Variants in MYO1C observed in about 807,000 individuals in gnomAD.
MYO1C encodes unconventional myosin-Ic.
In MYO1C, 104 loss-of-function variants were observed where a neutral mutation model predicts 150.8. That is an observed-to-expected ratio of 0.69 (90% CI 0.59 to 0.81). MYO1C has a LOEUF of 0.81. Ranked by LOEUF, MYO1C falls within the 30% of genes least tolerant of loss-of-function variation. The pLI is 0.00. For missense variants in MYO1C, 1,504 were observed against 1,435.0 expected (o/e 1.05, Z -0.78); for synonymous variants, 663 against 579.9 (o/e 1.14, Z -2.06).
Position 1,474,858 on chromosome 17 carries a change from C to G in MYO1C, c.1670G>C (p.Gly557Ala), listed in dbSNP as rs1262220301. The part of the protein sequence containing the change: ...YAGEVTYSVT[G>A]FLDKNNDLLF... The stretch of plus-strand genomic sequence containing the variant: ...AAGGTCATTGTTTTTGTCCAGAAAC[C>G]CTGGGAGGGGAGAACCGACGTGAGG... The change falls in exon 16 of 32, where the codon GGG (glycine) becomes GCG (alanine). Residue 557 changes from glycine (G) to alanine (A), a missense_variant and splice_region_variant. Physicochemically the swap from Gly to Ala is moderately conservative, Grantham distance 60 (BLOSUM62 0). Coordinates refer to ENST00000648651, the MANE Select transcript of MYO1C (RefSeq NM_001080779.2). The G allele has an allele frequency of 1.2e-6, 2 of 1,614,088 alleles. No homozygotes were observed. The highest frequency in any genetic ancestry group is 4.5e-5 in the East Asian group (2 of 44,888).
In MYO1C at chr17:1,468,099, C is replaced by T. The variant is rs11538161; in HGVS notation, c.2785G>A (p.Asp929Asn). The change falls in exon 28 of 32, where the codon GAC (aspartate) becomes AAC (asparagine). Residue 929 changes from aspartate to asparagine, a missense_variant. Coordinates refer to ENST00000648651, the MANE Select transcript of MYO1C (RefSeq NM_001080779.2). ...IQYAVPVVKYDRKGYKPRSRQ... is the reference protein window; with the variant it reads ...IQYAVPVVKYNRKGYKPRSRQ... ...GAGCGAGGCTTGTAGCCCTTGCGGT[C>T]GTATTTCACAACAGGCACCGCATAC... 17,128 of 1,613,408 alleles carry T rather than the reference C, an allele frequency of 0.011. 1,076 individuals are homozygous for T. In the Admixed American group the frequency reaches 0.14, roughly 13 times the overall value.
At chr17:1,469,431 T>C (rs1182539592) in intron 25 of MYO1C, 100 bp downstream of exon 25, 5 of 1,153,082 alleles carry the variant, frequency 4.3e-6, no homozygotes, top group Non-Finnish European at 6.3e-6. Context: ...GTAAATACGG[T>C]AGACCGGGGT....
intron 31 of MYO1C, among the ~76,000 whole-genome samples, chr17:1,466,714 C>T (rs922293485): frequency 1.8e-4 from 27 of 151,506 alleles, no homozygotes; most frequent in Admixed American, 5.9e-4. Flanking sequence ...CAATCTCCAC[C>T]TCCTGGGTTC....
At chr17:1,480,484 G>T (rs553186700) in intron 7 of MYO1C, 43 bp downstream of exon 7, 7 of 1,484,562 alleles carry the variant, frequency 4.7e-6, no homozygotes, top group African/African-American at 1.4e-5. Flanking sequence ...GAGATTTTGG[G>T]GGTGTGACAG....
Position 1,484,249 on chromosome 17 carries a change from C to A in MYO1C, c.130G>T (p.Asp44Tyr), listed in dbSNP as rs779733030. 2 of 1,612,654 alleles carry A rather than the reference C, an allele frequency of 1.2e-6. No homozygotes were observed. The highest frequency in any genetic ancestry group is 1.7e-6 in the Non-Finnish European group (2 of 1,180,020). The change falls in exon 2 of 32, where the codon GAC (aspartate) becomes TAC (tyrosine). Residue 44 changes from aspartate to tyrosine, a missense_variant. Coordinates refer to ENST00000648651, the MANE Select transcript of MYO1C (RefSeq NM_001080779.2). ...ACGAAATCCTGCACCCCCACCCGGT[C>A]ACGGGCGGTGAGCGCACTCTCCATG... The part of the protein sequence containing the change: ...VTMESALTAR[D>Y]RVGVQDFVLL...
intron 19 of MYO1C, among the ~76,000 whole-genome samples, chr17:1,471,654 C>T (rs1281561332): frequency 6.6e-6 from 1 of 152,182 alleles, no homozygotes; most frequent in African/African-American, 2.4e-5. Flanking sequence ...CTCTGGTGCC[C>T]GGCACGTGGA....
intron 1 of MYO1C, 119 bp from the exon 2 acceptor site, chr17:1,484,422 G>T: frequency 7.9e-7 from 1 of 1,267,088 alleles, no homozygotes; most frequent in Non-Finnish European, 1.1e-6. Context: ...GCTAGACACG[G>T]GACATGAGCA....
chr17:1,470,856 G>A, intron 21 of MYO1C, 167 bp from the exon 22 acceptor site: 4 of 942,878 alleles, frequency 4.2e-6, no homozygotes, highest in South Asian at 1.4e-5. Context: ...CGGAAAAGGG[G>A]GGCGGCGGGT....
intron 1 of MYO1C, 100 bp downstream of exon 1, chr17:1,492,313 C>T: frequency 1.6e-6 from 2 of 1,216,520 alleles, no homozygotes; most frequent in Non-Finnish European, 1.2e-6. Flanking sequence ...GGAACCCCTC[C>T]CCGCTGCTCA....
At chr17:1,483,814 T>TGGGC (rs778732135) in intron 2 of MYO1C, 89 bp from the exon 3 acceptor site, 1 of 1,044,510 alleles carries the variant, frequency 9.6e-7, no homozygotes, top group East Asian at 2.6e-5. Context: ...GAGGCCAAGG[T>TGGGC]GGGCGGATCA....
rs1258281977 is a variant in MYO1C, at chr17:1,472,876, GC to G, written c.1798-649del. Among the ~76,000 whole-genome samples the G allele has an allele frequency of 2.0e-5, 3 of 152,048 alleles. 1 individual carries two copies. Among genetic ancestry groups the G allele is most frequent in the African/African-American group, 7.3e-5 (3 of 41,306 alleles). On this transcript the variant is annotated intron_variant, in intron 17 of 31. Transcript: ENST00000648651. Reference sequence around the variant, plus strand: ...CTAAGTACTCCGGCAAGATCCAGTGGCTGGACAAGGGAGACAAGGAGAGAAA... The same window carrying G: ...CTAAGTACTCCGGCAAGATCCAGTGGTGGACAAGGGAGACAAGGAGAGAAA...
chr17:1,465,670 GGGA>G lies in MYO1C; in HGVS notation c.*53_*55del, dbSNP rs967123854. On this transcript the variant is annotated 3_prime_UTR_variant, in exon 32 of 32. Coordinates refer to ENST00000648651, the MANE Select transcript of MYO1C (RefSeq NM_001080779.2). ...GTTCGAGTCTTTGGTAACTGGGAAG[GGGA>G]GGAGGAGAAAAGCAAAGCATTGGGC... The G allele has an allele frequency of 1.7e-5, 23 of 1,323,042 alleles. No individual in the cohort carries two copies. Among genetic ancestry groups the G allele is most frequent in the South Asian group, 5.1e-5 (2 of 38,984 alleles). The allele number at this position is 1,323,042 out of a possible 1,614,324, so 82.0% of individuals were successfully genotyped here. A position where few individuals can be genotyped will look rare whatever the true frequency, so the allele number is the denominator to read the frequency against.
chr17:1,487,146 A>C (rs2074670968), intron 1 of MYO1C: 2 of 152,442 alleles, frequency 1.3e-5, no homozygotes, highest in African/African-American at 4.8e-5. Flanking sequence ...AGGCACCTCC[A>C]GACCCCCTAT....
Position 1,468,287 on chromosome 17 carries a change from C to T in MYO1C, c.2726G>A (p.Arg909Gln), listed in dbSNP as rs533875818. The part of the protein sequence containing the change: ...TRLGTDEISP[R>Q]VLQALGSEPI... ...CTCAGAGCCCAAGGCCTGCAGCACTCGGGGGCTGATCTCATCTGTACCTGC... is the reference window on the plus strand; with the variant it reads ...CTCAGAGCCCAAGGCCTGCAGCACTTGGGGGCTGATCTCATCTGTACCTGC... The change falls in exon 27 of 32, where the codon CGA becomes CAA. Residue 909 changes from arginine (R) to glutamine (Q), a missense_variant. Transcript: ENST00000648651. The T allele has an allele frequency of 3.3e-5, 53 of 1,613,784 alleles. No individual in the cohort carries two copies. Among genetic ancestry groups the T allele is most frequent in the South Asian group, 9.9e-5 (9 of 91,070 alleles).
Position 1,478,462 on chromosome 17 carries a change from T to G in MYO1C, c.1243A>C (p.Thr415Pro), listed in dbSNP as rs2074445658. 1 of 1,614,012 alleles carries G rather than the reference T, an allele frequency of 6.2e-7. No homozygotes were observed. Among genetic ancestry groups the G allele is most frequent in the Admixed American group, 1.7e-5 (1 of 59,998 alleles). Reference protein sequence around the residue: ...DVESPSWRSTTVLGLLDIYGF... With the variant: ...DVESPSWRSTPVLGLLDIYGF... Reference sequence around the variant, plus strand: ...TAAATATCCAGGAGCCCGAGAACCGTGGTGCTCCGCCAGCTGGGGCTCTCC... The same window carrying G: ...TAAATATCCAGGAGCCCGAGAACCGGGGTGCTCCGCCAGCTGGGGCTCTCC... Residue 415 changes from threonine to proline, a missense_variant, in exon 11 of 32, where the codon ACG becomes CCG. Thr to Pro is a conservative substitution (Grantham distance 38). Transcript: ENST00000648651. The surrounding 1 kb of genome is among the most constrained non-coding windows in gnomAD (Gnocchi z 6.3).
At chr17:1,488,162 C>T (rs1567537921) in intron 1 of MYO1C, among the ~76,000 whole-genome samples, 1 of 152,190 alleles carries the variant, frequency 6.6e-6, no homozygotes, top group Non-Finnish European at 1.5e-5. Flanking sequence ...CCGCCCCGCC[C>T]CTCCACGTCA....
intron 14 of MYO1C, 171 bp downstream of exon 14, chr17:1,477,334 T>C (rs1385013523): frequency 1.5e-6 from 1 of 664,230 alleles, no homozygotes; most frequent in Non-Finnish European, 2.8e-6. Flanking sequence ...CGTGTCAGCA[T>C]GCCTGGCTAA....
chr17:1,478,273 A>G lies in MYO1C; in HGVS notation c.1296-81T>C. ...GGGGAAAAGCTGGACGACGCCCCTG[A>G]GCACAGGAGGTGAGAAACACAGAGA... On this transcript the variant is annotated intron_variant, in intron 11 of 31. Transcript: ENST00000648651. This position sits in a 1 kb window ranked among gnomAD's most constrained non-coding sequence, Gnocchi z 6.3. 6.4e-7 allele frequency: 1 copy of G among 1,557,654 alleles called. No individual in the cohort carries two copies. Among genetic ancestry groups the G allele is most frequent in the Middle Eastern group, 1.7e-4 (1 of 5,822 alleles).
At chr17:1,468,354 G>T (rs779947988) in intron 26 of MYO1C, 46 bp from the exon 27 acceptor site, 1 of 1,613,622 alleles carries the variant, frequency 6.2e-7, no homozygotes, top group South Asian at 1.1e-5. Context: ...GGCAATGGGG[G>T]ACCAGGATGG....
Sources: gnomAD v4.1 joint callset for allele counts (sites outside exome capture counted in the v4.1 genomes callset) on GRCh38, gnomAD v4.1.1 for gene constraint, Gnocchi (gnomAD v3.1) non-coding constraint, MANE v1.5 for transcripts, NCBI Gene and HGNC (gene_info 2026-07-23, HGNC 2026-07-21) for gene names.